Variants in SYT8 observed in about 807,000 individuals in gnomAD.
SYT8 encodes the protein synaptotagmin 8, also known as synaptotagmin-8.
A neutral mutation model predicts 34.9 loss-of-function variants in SYT8; 50 were observed. The ratio of observed to expected loss-of-function variants is 1.43; its 90% CI spans 1.14 to 1.81. The LOEUF (loss-of-function observed/expected upper bound fraction) is 1.81. Ranked by LOEUF, SYT8 falls within the 40% of genes most tolerant of loss-of-function variation. The pLI is 0.00. For synonymous variants in SYT8, 255 were observed against 234.2 expected (o/e 1.09, Z -0.81); for missense variants, 595 against 529.0 (o/e 1.12, Z -1.22).
upstream of SYT8, chr11:1,834,621 C>A (rs377032962): frequency 2.7e-5 from 43 of 1,583,786 alleles, no homozygotes; most frequent in Admixed American, 7.1e-5. The surrounding 1 kb of genome is among the most constrained non-coding windows in gnomAD (Gnocchi z 4.5). Flanking sequence ...AGCTGTGGTG[C>A]GTGCTGGGGT....
rs1846894391 is a variant in SYT8, at chr11:1,835,968, A to G, written c.341A>G (p.Asp114Gly). ...WGCLQLSLEF[D>G]FGSQEIRVGL... ...TGCCTGCAGCTCTCCCTGGAGTTCG[A>G]CTTTGGAAGCCAGGAGGTGAAGGGC... Residue 114 changes from aspartate (D) to glycine (G), a missense_variant, in exon 3 of 8, where the codon GAC becomes GGC. By Grantham distance (94) the Asp-to-Gly change is moderately conservative. Transcript: ENST00000341958. The G allele has an allele frequency of 1.2e-6, 2 of 1,605,814 alleles. No individual in the cohort carries two copies. Among genetic ancestry groups the G allele is most frequent in the Non-Finnish European group, 1.7e-6 (2 of 1,177,728 alleles).
At position 1,836,234 on chromosome 11, in the gene SYT8, G is replaced by C; in HGVS notation, c.466G>C (p.Val156Leu). The change falls in exon 4 of 8, where the codon GTG becomes CTG. Residue 156 changes from valine to leucine, a missense_variant. By Grantham distance (32) the Val-to-Leu change is conservative. Transcript: ENST00000341958. ...TQAGHRHETK[V>L]HRGTLCPVFD... Reference sequence around the variant, plus strand: ...GGCCGGACACAGACATGAGACAAAAGTGCACCGAGGCACGCTCTGCCCCGT... The same window carrying C: ...GGCCGGACACAGACATGAGACAAAACTGCACCGAGGCACGCTCTGCCCCGT... The C allele has an allele frequency of 6.3e-7, 1 of 1,593,798 alleles. No individual in the cohort carries two copies. The highest frequency in any genetic ancestry group is 8.5e-7 in the Non-Finnish European group (1 of 1,170,968).
At position 1,837,199 on chromosome 11, in the gene SYT8, A is replaced by G; in HGVS notation, c.932A>G (p.Asp311Gly). 1 of 1,571,134 alleles carries G rather than the reference A, an allele frequency of 6.4e-7. No homozygotes were observed. The highest frequency in any genetic ancestry group is 2.2e-5 in the East Asian group (1 of 44,450). The change falls in exon 8 of 8, where the codon GAC becomes GGC. Residue 311 changes from aspartate (D) to glycine (G), a missense_variant. Transcript: ENST00000341958. ...LVPFSQVQNV[D>G]LVLAVWDRSL... ...TGGCCTGTCTCTGCACAGAATGTGG[A>G]CCTGGTGCTGGCTGTCTGGGACCGC...
At chr11:1,834,451 C>T (rs904474299), upstream of SYT8, 56 of 927,596 alleles carry the variant, frequency 6.0e-5, no homozygotes, top group Non-Finnish European at 9.0e-5. This position sits in a 1 kb window ranked among gnomAD's most constrained non-coding sequence, Gnocchi z 4.5. Flanking sequence ...TGAGCCCCTG[C>T]CAGGAATGCA....
upstream of SYT8, among the ~76,000 whole-genome samples, chr11:1,832,923 AG>A (rs1257611554): frequency 6.6e-6 from 1 of 152,122 alleles, no homozygotes; most frequent in East Asian, 1.9e-4. Flanking sequence ...GGCACAGGGG[AG>A]GGGCGCACGC....
intron 2 of SYT8, 109 bp from the exon 3 acceptor site, chr11:1,835,777 C>A: frequency 1.0e-6 from 1 of 990,400 alleles, no homozygotes; most frequent in Non-Finnish European, 1.5e-6. Flanking sequence ...GTGGCCTGGC[C>A]TGGAGGCGGG....
upstream of SYT8, chr11:1,834,280 C>T (rs1846779798): frequency 1.9e-6 from 1 of 532,552 alleles, no homozygotes; most frequent in South Asian, 2.1e-5. This position sits in a 1 kb window ranked among gnomAD's most constrained non-coding sequence, Gnocchi z 4.5. Flanking sequence ...TGCGCCCGCC[C>T]CACCTTCCTT....
At chr11:1,832,886 A>G (rs1418856377), upstream of SYT8, among the ~76,000 whole-genome samples, 2 of 151,986 alleles carry the variant, frequency 1.3e-5, no homozygotes, top group African/African-American at 2.4e-5. Context: ...TCTTAGACTA[A>G]AGGAGGGGGG....
At chr11:1,832,055 C>T (rs1030914298), upstream of SYT8, among the ~76,000 whole-genome samples, 69 of 152,332 alleles carry the variant, frequency 4.5e-4, no homozygotes, top group African/African-American at 1.4e-3. Context: ...AAATGGTGCC[C>T]GCCTTGGGCT....
upstream of SYT8, chr11:1,834,699 G>C: frequency 7.4e-7 from 1 of 1,346,160 alleles, no homozygotes; most frequent in Non-Finnish European, 1.0e-6. The surrounding 1 kb of genome is among the most constrained non-coding windows in gnomAD (Gnocchi z 4.5). Flanking sequence ...CCCAGGCAGG[G>C]CCCAGGGTCC....
In SYT8 at chr11:1,836,776, G is replaced by A; in HGVS notation, c.705G>A (p.Leu235=). Residue 235 remains leucine (L), a synonymous_variant, in exon 6 of 8, where the codon CTG becomes CTA. Transcript: ENST00000341958. ...AATQPEQVGE[L]CFSLRYVPSS... ...CACAGCCCGAGCAGGTCGGGGAGCT[G>A]TGCTTCTCTCTCCGGTACGTGCCCA... The A allele has an allele frequency of 1.9e-6, 3 of 1,610,268 alleles. No homozygotes were observed. The highest frequency in any genetic ancestry group is 2.5e-6 in the Non-Finnish European group (3 of 1,179,944).
In SYT8 at chr11:1,835,326, T is replaced by G. The variant is rs1846845355; in HGVS notation, c.125T>G (p.Leu42Arg). Residue 42 changes from leucine (L) to arginine (R), a missense_variant, in exon 2 of 8, where the codon CTT becomes CGT. Leu to Arg is a moderately radical substitution (Grantham distance 102). Coordinates refer to ENST00000341958, the MANE Select transcript of SYT8 (RefSeq NM_001394072.1). The stretch of plus-strand genomic sequence containing the variant: ...CGCTGGGCTCTCATTGCCGGCGCCC[T>G]TGCCGCGGGCGTCCTCCTCGTCTCC... ...WPRWALIAGA[L>R]AAGVLLVSCL... The G allele has an allele frequency of 6.2e-6, 10 of 1,601,056 alleles. No individual in the cohort carries two copies. The East Asian group carries it at 2.2e-4, about 36-fold the overall frequency.
intron 3 of SYT8, 28 bp from the exon 4 acceptor site, chr11:1,836,098 T>C (rs781754912): frequency 9.2e-6 from 14 of 1,525,134 alleles, no homozygotes; most frequent in Admixed American, 4.4e-5. Flanking sequence ...CAGGGGCCCT[T>C]GGCTGAGCCC....
At chr11:1,833,420 C>G (rs181545156), upstream of SYT8, among the ~76,000 whole-genome samples, 1 of 152,362 alleles carries the variant, frequency 6.6e-6, no homozygotes, top group South Asian at 2.1e-4. Flanking sequence ...GGCCCCAGCA[C>G]GCATTAAACC....
chr11:1,832,452 A>G (rs765194135), upstream of SYT8, among the ~76,000 whole-genome samples: 38 of 152,160 alleles, frequency 2.5e-4, no homozygotes, highest in Non-Finnish European at 4.7e-4. Flanking sequence ...GGAGACAGAC[A>G]GCCAAAGCTA....
rs1846843423 is a variant in SYT8, at chr11:1,835,307, G to A, written c.106G>A (p.Ala36Thr). 6.2e-7 allele frequency: 1 copy of A among 1,600,108 alleles called. No individual in the cohort carries two copies. The highest frequency in any genetic ancestry group is 8.5e-7 in the Non-Finnish European group (1 of 1,172,078). ...GGCCTCTACCCCAGGGCCCCGCTGG[G>A]CTCTCATTGCCGGCGCCCTTGCCGC... ...LVAGTPWPRWALIAGALAAGV... is the reference protein window; with the variant it reads ...LVAGTPWPRWTLIAGALAAGV... Residue 36 changes from alanine (A) to threonine (T), a missense_variant, in exon 2 of 8, where the codon GCT (alanine) becomes ACT (threonine). Coordinates refer to ENST00000341958, the MANE Select transcript of SYT8 (RefSeq NM_001394072.1).
At chr11:1,834,802 G>A, upstream of SYT8, 3 of 686,630 alleles carry the variant, frequency 4.4e-6, no homozygotes, top group Non-Finnish European at 7.5e-6. The surrounding 1 kb of genome is among the most constrained non-coding windows in gnomAD (Gnocchi z 4.5). Context: ...GTCCGGTGAA[G>A]GCAGGGACTA....
At position 1,836,169 on chromosome 11, in the gene SYT8, G is replaced by A. The variant is rs767884759; in HGVS notation, c.401G>A (p.Gly134Asp). 3.3e-6 allele frequency: 5 copies of A among 1,532,602 alleles called. No homozygotes were observed. In the African/African-American group the frequency reaches 6.9e-5, roughly 21 times the overall value. 94.9% of individuals were successfully genotyped at this position (1,532,602 alleles called of 1,614,324 possible). ...LRQAADLRPG[G>D]TVDPYARVSV... The stretch of plus-strand genomic sequence containing the variant: ...CAGGCAGCCGACCTGAGGCCTGGGG[G>A]CACCGTGGACCCCTATGCCCGGGTC... The change falls in exon 4 of 8, where the codon GGC (glycine) becomes GAC (aspartate). Residue 134 changes from glycine to aspartate, a missense_variant. Transcript: ENST00000341958.
rs1308478620 is a variant in SYT8 at position 1,836,725 on chromosome 11, C to T, written c.685-31C>T. On this transcript the variant is annotated intron_variant, in intron 5 of 7. Transcript: ENST00000341958. ...GCCCCAACTCGGCCAGAATCACCCT[C>T]CCGGGCTGAAGCCCCTCTTGCTGCC... is the stretch of plus-strand genomic sequence containing the variant. 4.4e-6 allele frequency: 7 copies of T among 1,603,410 alleles called. No homozygotes were observed. In the African/African-American group the frequency reaches 9.3e-5, roughly 21 times the overall value.
Sources: gnomAD v4.1 joint callset for allele counts (sites outside exome capture counted in the v4.1 genomes callset) on GRCh38, gnomAD v4.1.1 for gene constraint, Gnocchi (gnomAD v3.1) non-coding constraint, MANE v1.5 for transcripts, NCBI Gene and HGNC (gene_info 2026-07-23, HGNC 2026-07-21) for gene names.